Variants in SULF2 observed in about 807,000 individuals in gnomAD.
The protein encoded by SULF2 is extracellular sulfatase Sulf-2.
Under a neutral mutation model 107.7 loss-of-function variants are expected in SULF2, and 52 were observed. The ratio of observed to expected loss-of-function variants is 0.48; its 90% CI spans 0.39 to 0.61. The LOEUF (loss-of-function observed/expected upper bound fraction) is 0.61. Among genes scored for constraint, SULF2 ranks in the 20% least tolerant of loss-of-function variants. SULF2 has a pLI of 0.00. For missense variants in SULF2, 993 were observed against 1,177.3 expected (o/e 0.84, Z 2.29); for synonymous variants, 460 against 464.3 (o/e 0.99, Z 0.12).
At chr20:47,779,214 A>T (rs955763920) in intron 1 of SULF2, among the ~76,000 whole-genome samples, 2 of 152,204 alleles carry the variant, frequency 1.3e-5, no homozygotes, top group African/African-American at 4.8e-5. Flanking sequence ...TTGCAGGTTA[A>T]GCAGCATCCC....
rs544442727 is a variant in SULF2, at chr20:47,768,991, C to G, written c.-100-11528G>C. Among the ~76,000 whole-genome samples the G allele has an allele frequency of 1.3e-4, 19 of 151,188 alleles. No homozygotes were observed. The East Asian group carries it at 3.8e-3, about 30-fold the overall frequency. ...CACCTCCCAGGTTCAAGTGATTCTC[C>G]TGCCTCAGCCTCCTGAGTAGCTGGG... On this transcript the variant is annotated intron_variant, in intron 1 of 20. Transcript: ENST00000688720.
At chr20:47,724,464 T>C (rs1419502516) in intron 3 of SULF2, among the ~76,000 whole-genome samples, 3 of 152,130 alleles carry the variant, frequency 2.0e-5, no homozygotes, top group Non-Finnish European at 4.4e-5. Flanking sequence ...CTCTGGGTGT[T>C]GGTGGCATGG....
chr20:47,686,867 A>G (rs1423392757), intron 5 of SULF2, among the ~76,000 whole-genome samples: 9 of 152,098 alleles, frequency 5.9e-5, no homozygotes, highest in Admixed American at 4.6e-4. Context: ...GCTTCCTTTC[A>G]TTACAGAACG....
chr20:47,693,200 A>G (rs1420669249), intron 4 of SULF2, among the ~76,000 whole-genome samples: 2 of 152,256 alleles, frequency 1.3e-5, no homozygotes, highest in Non-Finnish European at 2.9e-5. Flanking sequence ...TAAAGGTATT[A>G]GAAAAGTTCT....
chr20:47,690,208 C>A lies in SULF2; in HGVS notation c.655G>T (p.Val219Phe). The A allele has an allele frequency of 1.3e-6, 2 of 1,573,526 alleles. No individual in the cohort carries two copies. Among genetic ancestry groups the A allele is most frequent in the Non-Finnish European group, 1.7e-6 (2 of 1,156,672 alleles). Residue 219 changes from valine to phenylalanine, a missense_variant, in exon 5 of 21, where the codon GTC becomes TTC. This residue lies in a region of SULF2 where 388 missense variants were observed against 449.2 expected (regional missense o/e 0.86). Transcript: ENST00000688720. ...CCGTGGGGGGCTGCATGGCTGATGA[C>A]CATGAGGACTGGCCTGTGCGGGTAC... ...KMYPHRPVLM[V>F]ISHAAPHGPE...
At chr20:47,664,578 T>C (rs1471918703) in intron 14 of SULF2, among the ~76,000 whole-genome samples, 1 of 152,222 alleles carries the variant, frequency 6.6e-6, no homozygotes, top group Non-Finnish European at 1.5e-5. Flanking sequence ...CCACCCTGCC[T>C]ACTCACACTT....
intron 2 of SULF2, among the ~76,000 whole-genome samples, chr20:47,751,480 A>G (rs2090156617): frequency 6.6e-6 from 1 of 152,194 alleles, no homozygotes; most frequent in South Asian, 2.1e-4. Flanking sequence ...ACTCTCTTCT[A>G]GGTGAGAGAA....
chr20:47,758,958 C>A (rs935958626), intron 1 of SULF2, among the ~76,000 whole-genome samples: 16 of 152,192 alleles, frequency 1.1e-4, no homozygotes, highest in Non-Finnish European at 2.9e-5. Context: ...GGATGTGCTG[C>A]CTGCTTCATC....
chr20:47,752,622 G>C (rs1360858869), intron 2 of SULF2, among the ~76,000 whole-genome samples: 1 of 151,306 alleles, frequency 6.6e-6, no homozygotes, highest in Non-Finnish European at 1.5e-5. Flanking sequence ...GTGATGGTGC[G>C]CACCTGTAGT....
chr20:47,785,715 AGGCG>A (rs1329295389), upstream of SULF2: 1 of 146,986 alleles, frequency 6.8e-6, no homozygotes, highest in African/African-American at 2.5e-5. Context: ...CACGCAGGGG[AGGCG>A]GGCGCGCTCC....
intron 1 of SULF2, among the ~76,000 whole-genome samples, chr20:47,761,049 T>C (rs1270453016): frequency 2.6e-5 from 4 of 152,212 alleles, no homozygotes; most frequent in African/African-American, 7.2e-5. Flanking sequence ...AATGTGTTGA[T>C]ACAGTGTGCT....
intron 1 of SULF2, among the ~76,000 whole-genome samples, chr20:47,764,244 C>T (rs866676358): frequency 5.3e-5 from 8 of 152,218 alleles, no homozygotes; most frequent in East Asian, 1.9e-4. Context: ...TATTTCTTTG[C>T]GGATGTCCTC....
At chr20:47,710,045 G>A (rs1297040137) in intron 3 of SULF2, among the ~76,000 whole-genome samples, 1 of 152,036 alleles carries the variant, frequency 6.6e-6, no homozygotes, top group Non-Finnish European at 1.5e-5. Context: ...GGGACTACAG[G>A]TGTCCAACAC....
At chr20:47,662,009 G>A in intron 17 of SULF2, 113 bp from the exon 18 acceptor site, 2 of 1,158,112 alleles carry the variant, frequency 1.7e-6, no homozygotes, top group Non-Finnish European at 2.3e-6. Flanking sequence ...GGTGCTAGGG[G>A]CTGGTGACCT....
intron 5 of SULF2, chr20:47,685,801 C>T (rs545801335): frequency 6.6e-6 from 1 of 152,336 alleles, no homozygotes; most frequent in Non-Finnish European, 1.5e-5. Flanking sequence ...AAGCATGAGC[C>T]ACTGCACCTG....
rs769226556 is a variant in SULF2, at chr20:47,672,204, T to G, written c.1570A>C (p.Lys524Gln). Reference sequence around the variant, plus strand: ...GCCAGGTTGTGACACTTACTCTTCTTGAAGAGTTTTTTCCGGCGTCCGGCC... The same window carrying G: ...GCCAGGTTGTGACACTTACTCTTCTGGAAGAGTTTTTTCCGGCGTCCGGCC... ...SLAGRRKKLF[K>Q]KKYKASYVRS... is the part of the protein sequence containing the mutation. Residue 524 changes from lysine to glutamine, a missense_variant, in exon 11 of 21, where the codon AAG (lysine) becomes CAG (glutamine). This residue lies in a region of SULF2 where 497 missense variants were observed against 544.1 expected (regional missense o/e 0.91). Transcript: ENST00000688720. 2 of 1,607,038 alleles carry G rather than the reference T, an allele frequency of 1.2e-6. No homozygotes were observed. Among genetic ancestry groups the G allele is most frequent in the Non-Finnish European group, 1.7e-6 (2 of 1,174,860 alleles).
chr20:47,784,219 G>A (rs571501303), intron 1 of SULF2, among the ~76,000 whole-genome samples: 1 of 152,328 alleles, frequency 6.6e-6, no homozygotes, highest in East Asian at 1.9e-4. Context: ...GACAGATGGA[G>A]GGGCGAGAGG....
At chr20:47,754,791 T>A (rs1245856449) in intron 2 of SULF2, among the ~76,000 whole-genome samples, 2 of 152,234 alleles carry the variant, frequency 1.3e-5, no homozygotes, top group African/African-American at 2.4e-5. Context: ...GGAATCTGGC[T>A]AAATAGAGCA....
intron 1 of SULF2, among the ~76,000 whole-genome samples, chr20:47,778,980 T>A (rs890680369): frequency 2.0e-5 from 3 of 152,138 alleles, no homozygotes; most frequent in Admixed American, 6.5e-5. Context: ...GACATCCACG[T>A]TCACCACCCA....
Sources: allele counts gnomAD v4.1 joint callset (sites outside exome capture counted in the v4.1 genomes callset), GRCh38; gene constraint gnomAD v4.1.1; regional missense constraint gnomAD v4.1.1; transcripts MANE v1.5; gene names NCBI Gene and HGNC (gene_info 2026-07-23, HGNC 2026-07-21).